The following SACM1L variants were observed in gnomAD, a reference collection of about 807,000 sequenced individuals.
SACM1L encodes phosphatidylinositol-3-phosphatase SAC1.
SACM1L carries 32 observed loss-of-function variants against 89.5 expected under a neutral mutation model. The ratio of observed to expected loss-of-function variants is 0.36; its 90% confidence interval spans 0.27 to 0.48. The LOEUF is 0.48. Among genes scored for constraint, SACM1L ranks in the 20% least tolerant of loss-of-function variants. The probability of loss-of-function intolerance (pLI) is 0.99; values close to 1 mark genes in which losing one functional copy is unlikely to be tolerated. For missense variants in SACM1L, 543 were observed against 708.5 expected (o/e 0.77, Z 2.65); for synonymous variants, 213 against 232.8 (o/e 0.92, Z 0.77).
At chr3:45,714,210 T>C (rs1281142491) in intron 7 of SACM1L, 131 bp downstream of exon 7, 13 of 454,210 alleles carry the variant, frequency 2.9e-5, no homozygotes, top group African/African-American at 6.3e-5. Flanking sequence ...TTGCTGTTGA[T>C]AAGAAAATCA....
At chr3:45,714,237 GTTT>G (rs112928052) in intron 7 of SACM1L, among the ~76,000 whole-genome samples, 158 bp downstream of exon 7, 241 of 18,516 alleles carry the variant, frequency 0.013, 2 homozygotes, top group Non-Finnish European at 0.015. Context: ...TTGCTATTTT[GTTT>G]GTTTTTTTTT....
intron 7 of SACM1L, among the ~76,000 whole-genome samples, chr3:45,714,570 T>C (rs1316077904): frequency 6.6e-6 from 1 of 152,170 alleles, no homozygotes; most frequent in Non-Finnish European, 1.5e-5. Context: ...CACTCCAGCC[T>C]GGGTGACAGG....
At chr3:45,710,032 G>A (rs1295596077) in intron 5 of SACM1L, among the ~76,000 whole-genome samples, 1 of 152,072 alleles carries the variant, frequency 6.6e-6, no homozygotes, top group African/African-American at 2.4e-5. Flanking sequence ...AACTCTCAGT[G>A]TTCGGTAGTG....
Position 45,743,798 on chromosome 3 carries a change from C to T in SACM1L, c.*129C>T. 2.2e-6 allele frequency: 2 copies of T among 902,980 alleles called. No individual in the cohort carries two copies. The highest frequency in any genetic ancestry group is 1.9e-5 in the South Asian group (1 of 53,874). 55.9% of individuals were successfully genotyped at this position (902,980 alleles called of 1,614,324 possible). A position where few individuals can be genotyped will look rare whatever the true frequency, so the allele number is the denominator to read the frequency against. ...TTTATCCAAAAGCACATCTTGTGCT[C>T]CATGCAGGATGATGACAGAATTGAT... On this transcript the variant is annotated 3_prime_UTR_variant, in exon 20 of 20. Coordinates refer to ENST00000389061, the MANE Select transcript of SACM1L (RefSeq NM_014016.5).
At chr3:45,709,215 A>G (rs1698466953) in intron 4 of SACM1L, among the ~76,000 whole-genome samples, 3 of 152,176 alleles carry the variant, frequency 2.0e-5, no homozygotes, top group East Asian at 3.9e-4. Flanking sequence ...TGTTAAAACT[A>G]CTCTTCTGCC....
intron 5 of SACM1L, among the ~76,000 whole-genome samples, chr3:45,711,951 G>A (rs1383004876): frequency 6.6e-6 from 1 of 152,132 alleles, no homozygotes; most frequent in Non-Finnish European, 1.5e-5. Flanking sequence ...TTAGCAACTT[G>A]CCTCTTATCA....
chr3:45,726,666 T>C (rs1215537798), intron 11 of SACM1L, among the ~76,000 whole-genome samples: 2 of 152,070 alleles, frequency 1.3e-5, no homozygotes, highest in Admixed American at 6.5e-5. Context: ...CTTTTAGTTT[T>C]ATTGACTTTA....
chr3:45,723,030 G>A, intron 10 of SACM1L, 75 bp downstream of exon 10: 1 of 1,197,854 alleles, frequency 8.3e-7, no homozygotes, highest in Non-Finnish European at 1.2e-6. Flanking sequence ...TGTAAAGAAT[G>A]TATTTATTCC....
chr3:45,733,284 A>G (rs1022379903), intron 13 of SACM1L, among the ~76,000 whole-genome samples: 3 of 152,314 alleles, frequency 2.0e-5, no homozygotes, highest in East Asian at 1.9e-4. Context: ...AGTGGGAAGA[A>G]TCTGGGCTTT....
rs1176137514 is a variant in SACM1L at position 45,689,498 on chromosome 3, G to A, written c.32+1G>A. The stretch of plus-strand genomic sequence containing the variant: ...CGGCGGCCTACGAGCAGCTGAAGCT[G>A]TGAGTCCCACGGGCCAGAGGCCTGA... On this transcript the variant is annotated splice_donor_variant, in intron 1 of 19. Coordinates refer to ENST00000389061, the MANE Select transcript of SACM1L (RefSeq NM_014016.5). LOFTEE classifies it high-confidence loss of function. 6.3e-7 allele frequency: 1 copy of A among 1,579,798 alleles called. No homozygotes were observed. The highest frequency in any genetic ancestry group is 1.2e-5 in the South Asian group (1 of 86,378).
chr3:45,703,655 A>G, intron 2 of SACM1L, 120 bp downstream of exon 2: 1 of 557,588 alleles, frequency 1.8e-6, no homozygotes, highest in East Asian at 3.1e-5. Context: ...TTCTTATTAA[A>G]ATTTTTATTC....
intron 1 of SACM1L, among the ~76,000 whole-genome samples, chr3:45,700,726 C>T (rs1185209839): frequency 3.3e-5 from 5 of 152,104 alleles, no homozygotes; most frequent in Non-Finnish European, 7.4e-5. Context: ...CAGTGGTGTG[C>T]ACTCACTGCA....
rs1027428021 is a variant in SACM1L at position 45,730,233 on chromosome 3, T to A, written c.922-1068T>A. Reference sequence around the variant, plus strand: ...ATTTTTGTACCTGTGATTTTTTTTTTAATTATATGTTTGATTATTATAATA... The same window carrying A: ...ATTTTTGTACCTGTGATTTTTTTTTAAATTATATGTTTGATTATTATAATA... On this transcript the variant is annotated intron_variant, in intron 11 of 19. Transcript: ENST00000389061. Among the ~76,000 whole-genome samples the A allele has an allele frequency of 9.2e-5, 14 of 152,148 alleles. No homozygotes were observed. In the South Asian group the frequency reaches 1.0e-3, roughly 11 times the overall value.
Position 45,714,069 on chromosome 3 carries a change from GT to G in SACM1L, c.569del (p.Leu190TyrfsTer36). The G allele has an allele frequency of 6.5e-7, 1 of 1,549,708 alleles. No individual in the cohort carries two copies. Among genetic ancestry groups the G allele is most frequent in the South Asian group, 1.2e-5 (1 of 81,048 alleles). On this transcript the variant is annotated frameshift_variant, in exon 7 of 20. Coordinates refer to ENST00000389061, the MANE Select transcript of SACM1L (RefSeq NM_014016.5). LOFTEE classifies it high-confidence loss of function. Reference sequence around the variant, plus strand: ...AGGTTCATCGGTTTGCCCTTCCAGTGTTACATGGCTGTATCCTTACATGATA... The same window carrying G: ...AGGTTCATCGGTTTGCCCTTCCAGTGTACATGGCTGTATCCTTACATGATA... ...PEVHRFALPV[L>X]HGFITMHSCS...
At chr3:45,730,755 A>G (rs1358691248) in intron 11 of SACM1L, 1 of 152,224 alleles carries the variant, frequency 6.6e-6, no homozygotes. Flanking sequence ...CTTCTTCTCC[A>G]GCCTTTAGAT....
intron 19 of SACM1L, among the ~76,000 whole-genome samples, chr3:45,741,157 T>C (rs537810597): frequency 6.6e-6 from 1 of 152,312 alleles, no homozygotes; most frequent in South Asian, 2.1e-4. Context: ...TCCTCTATCC[T>C]GAATTCGTTG....
intron 5 of SACM1L, among the ~76,000 whole-genome samples, chr3:45,712,135 C>T (rs1698543880): frequency 1.3e-5 from 2 of 152,112 alleles, no homozygotes; most frequent in Admixed American, 1.3e-4. Context: ...TGGTTGTGGT[C>T]AAGTGCAAAA....
intron 11 of SACM1L, among the ~76,000 whole-genome samples, chr3:45,724,697 T>C (rs1170700009): frequency 3.3e-5 from 5 of 152,300 alleles, no homozygotes; most frequent in East Asian, 1.9e-4. Flanking sequence ...ATTCAAGAAA[T>C]TGTCACCAAA....
At position 45,703,341 on chromosome 3, in the gene SACM1L, G is replaced by A. The variant is rs1575388586; in HGVS notation, c.33-97G>A. On this transcript the variant is annotated intron_variant, in intron 1 of 19. Transcript: ENST00000389061. ...TCATCCTTTTAGAAGCTGGGAAAAT[G>A]ATGTCAAATTTATACTCTGTAATTG... The A allele has an allele frequency of 8.9e-6, 7 of 785,910 alleles. No individual in the cohort carries two copies. In the East Asian group the frequency reaches 1.6e-4, roughly 18 times the overall value. The allele number at this position is 785,910 out of a possible 1,614,324, so 48.7% of individuals were successfully genotyped here.
Sources: gnomAD v4.1 joint callset for allele counts (sites outside exome capture counted in the v4.1 genomes callset) on GRCh38, gnomAD v4.1.1 for gene constraint, MANE v1.5 for transcripts, NCBI Gene and HGNC (gene_info 2026-07-23, HGNC 2026-07-21) for gene names.